TENM2: variants seen among roughly 807,000 people sequenced by gnomAD.
TENM2 encodes teneurin transmembrane protein 2, also known as teneurin-2.
Under a neutral mutation model 245.2 loss-of-function variants are expected in TENM2, and 52 were observed. The ratio of observed to expected loss-of-function variants is 0.21; its 90% confidence interval spans 0.17 to 0.27. The LOEUF (loss-of-function observed/expected upper bound fraction) is 0.27, where lower values mean the gene tolerates loss of function less well. Ranked by LOEUF, TENM2 falls within the 10% of genes least tolerant of loss-of-function variation. The probability of loss-of-function intolerance (pLI) is 1.00; values close to 1 mark genes in which losing one functional copy is unlikely to be tolerated. For synonymous variants in TENM2, 1,363 were observed against 1,438.9 expected, an observed-to-expected ratio of 0.95 and a Z score of 1.19; for missense variants, 3,046 against 3,666.8, an observed-to-expected ratio of 0.83 and a Z score of 4.37.
chr5:167,244,426 G>C, the TENM2 span, among the ~76,000 whole-genome samples: 1 of 152,174 alleles, frequency 6.6e-6, no homozygotes, highest in African/African-American at 2.4e-5. Context: ...TGAGTATCTG[G>C]AAGCATCAAC....
the TENM2 span, among the ~76,000 whole-genome samples, chr5:167,194,954 A>T: frequency 6.6e-6 from 1 of 151,998 alleles, no homozygotes. Context: ...CACACTCTTA[A>T]CTACTACGCT....
chr5:167,472,179 C>T (rs1027357816), intron 2 of TENM2, among the ~76,000 whole-genome samples: 1 of 152,128 alleles, frequency 6.6e-6, no homozygotes, highest in African/African-American at 2.4e-5. Context: ...CCACTTCCAG[C>T]TCTCTGTGGC....
intron 2 of TENM2, among the ~76,000 whole-genome samples, chr5:167,624,383 A>G (rs928179687): frequency 3.9e-5 from 6 of 152,184 alleles, no homozygotes; most frequent in South Asian, 4.1e-4. Context: ...AGTCATGGAC[A>G]TAAAGATGAG....
At chr5:167,851,581 G>A (rs762724758) in intron 2 of TENM2, among the ~76,000 whole-genome samples, 1 of 152,262 alleles carries the variant, frequency 6.6e-6, no homozygotes, top group Non-Finnish European at 1.5e-5. Flanking sequence ...ACCAGAGCCC[G>A]AGGGTAGACT....
intron 25 of TENM2, chr5:168,241,060 A>C (rs1318510432): frequency 2.0e-5 from 3 of 152,036 alleles, no homozygotes; most frequent in African/African-American, 7.3e-5. Flanking sequence ...TATAATTCAG[A>C]CGGCATTAAC....
chr5:168,235,821 G>A (rs1269693826), intron 25 of TENM2, among the ~76,000 whole-genome samples: 1 of 135,004 alleles, frequency 7.4e-6, no homozygotes, highest in Non-Finnish European at 1.6e-5. Flanking sequence ...AAAAAAAAAA[G>A]AAATTGTGAT....
chr5:167,687,582 T>C (rs1349351107), intron 2 of TENM2, among the ~76,000 whole-genome samples: 1 of 152,324 alleles, frequency 6.6e-6, no homozygotes, highest in African/African-American at 2.4e-5. Context: ...TGTGCTAGCA[T>C]TGACGTTGAG....
At chr5:168,125,081 C>T in intron 11 of TENM2, 31 bp downstream of exon 13, 1 of 1,564,558 alleles carries the variant, frequency 6.4e-7, no homozygotes, top group South Asian at 1.2e-5. Context: ...CTTCCTCTCT[C>T]CAACACTCCT....
intron 20 of TENM2, among the ~76,000 whole-genome samples, chr5:168,214,229 A>G (rs1375620191): frequency 6.6e-6 from 1 of 152,216 alleles, no homozygotes; most frequent in Non-Finnish European, 1.5e-5. Flanking sequence ...AGCCTCACAC[A>G]GGGCAGCCAG....
At chr5:167,330,963 C>T (rs1006298083) in intron 1 of TENM2, among the ~76,000 whole-genome samples, 3 of 151,936 alleles carry the variant, frequency 2.0e-5, no homozygotes, top group Non-Finnish European at 2.9e-5. Flanking sequence ...ATGGGCCAGG[C>T]GTGGTGGCTC....
At chr5:168,160,459 A>T (rs1269375856) in intron 12 of TENM2, among the ~76,000 whole-genome samples, 1 of 152,148 alleles carries the variant, frequency 6.6e-6, no homozygotes, top group East Asian at 1.9e-4. Flanking sequence ...TGCCTGCTGG[A>T]CTTAGTGCCA....
chr5:167,702,688 C>T (rs2150446625), intron 2 of TENM2, among the ~76,000 whole-genome samples: 1 of 151,728 alleles, frequency 6.6e-6, no homozygotes, highest in Non-Finnish European at 1.5e-5. Flanking sequence ...GATGCAGCCT[C>T]CCTCTGTTAC....
chr5:167,993,228 G>A (rs1244757662), intron 5 of TENM2, 46 bp downstream of exon 7: 4 of 1,487,544 alleles, frequency 2.7e-6, no homozygotes, highest in South Asian at 1.2e-5. Flanking sequence ...ATGACAACAT[G>A]AGGGGAGAGG....
chr5:167,300,296 G>A (rs200056853), intron 1 of TENM2, among the ~76,000 whole-genome samples: 9 of 152,274 alleles, frequency 5.9e-5, no homozygotes, highest in South Asian at 4.2e-4. Context: ...GAAGCCTTGC[G>A]GCAGTACAGC....
intron 1 of TENM2, among the ~76,000 whole-genome samples, chr5:167,289,055 C>A (rs1320582136): frequency 1.3e-5 from 2 of 152,122 alleles, no homozygotes; most frequent in Non-Finnish European, 2.9e-5. Flanking sequence ...TGTTCTCATC[C>A]ATTCACCTCC....
chr5:166,980,274 A>G, the TENM2 span, among the ~76,000 whole-genome samples: 4 of 152,184 alleles, frequency 2.6e-5, no homozygotes, highest in Non-Finnish European at 4.4e-5. Flanking sequence ...GTACTGTTTT[A>G]TTCAAAATTG....
chr5:167,343,843 C>T (rs1758276297), intron 1 of TENM2, among the ~76,000 whole-genome samples: 1 of 151,862 alleles, frequency 6.6e-6, no homozygotes, highest in South Asian at 2.1e-4. Context: ...AAATGTCATA[C>T]CATAGTGAAA....
chr5:167,553,321 A>G (rs547925890), intron 2 of TENM2, among the ~76,000 whole-genome samples: 1 of 152,312 alleles, frequency 6.6e-6, no homozygotes, highest in Admixed American at 6.5e-5. Context: ...GGAGGAGGGT[A>G]GTATAAATGG....
At chr5:167,092,325 G>C in the TENM2 span, among the ~76,000 whole-genome samples, 1 of 151,364 alleles carries the variant, frequency 6.6e-6, no homozygotes, top group African/African-American at 2.4e-5. Flanking sequence ...GCAGAGTTGA[G>C]TGATTGTAGA....
Sources: gnomAD v4.1 joint callset for allele counts (sites outside exome capture counted in the v4.1 genomes callset) on GRCh38, gnomAD v4.1.1 for gene constraint, MANE v1.5 for transcripts, NCBI Gene and HGNC (gene_info 2026-07-23, HGNC 2026-07-21) for gene names.